The following TIAM2 variants were observed in gnomAD, a reference collection of about 807,000 sequenced individuals.
TIAM2 encodes TIAM Rac1 associated GEF 2.
TIAM2 carries 80 observed loss-of-function variants against 152.9 expected under a neutral mutation model. The ratio of observed to expected loss-of-function variants is 0.52; its 90% confidence interval spans 0.44 to 0.63. The LOEUF is 0.63. TIAM2 is among the 30% of genes least tolerant of loss of function. TIAM2 has a pLI of 0.00. For missense variants in TIAM2, 1,965 were observed against 2,120.1 expected, an observed-to-expected ratio of 0.93 and a Z score of 1.44; for synonymous variants, 804 against 838.0, an observed-to-expected ratio of 0.96 and a Z score of 0.70.
chr6:155,028,225 T>A (rs1458954559), intron 1 of TIAM2, among the ~76,000 whole-genome samples: 3 of 130,386 alleles, frequency 2.3e-5, no homozygotes, highest in Non-Finnish European at 4.9e-5. Flanking sequence ...GTGTTACATA[T>A]ATACTACATA....
chr6:155,206,022 CT>C (rs1391277602), intron 14 of TIAM2, among the ~76,000 whole-genome samples: 4 of 152,048 alleles, frequency 2.6e-5, no homozygotes. Context: ...ATGTTTTGCC[CT>C]TTCGTTGTAA....
intron 16 of TIAM2, among the ~76,000 whole-genome samples, chr6:155,242,080 G>A (rs898320425): frequency 1.3e-5 from 2 of 152,176 alleles, no homozygotes; most frequent in Non-Finnish European, 1.5e-5. Context: ...AGTAGACAAG[G>A]ACCGACTCTC....
intron 1 of TIAM2, among the ~76,000 whole-genome samples, chr6:155,069,776 TTAAG>T (rs1287175143): frequency 6.6e-6 from 1 of 152,174 alleles, no homozygotes; most frequent in African/African-American, 2.4e-5. Flanking sequence ...TTCCTACTCT[TTAAG>T]TAAAGAAAAT....
chr6:155,047,687 AG>A (rs747590082), intron 1 of TIAM2, among the ~76,000 whole-genome samples: 71,787 of 104,056 alleles, frequency 0.69, 23,916 homozygotes, highest in Non-Finnish European at 0.74. Context: ...AGAGAGAGAG[AG>A]GAGAGAGAGA....
At chr6:155,022,310 T>G (rs1329331694) in intron 1 of TIAM2, 1 of 152,266 alleles carries the variant, frequency 6.6e-6, no homozygotes, top group African/African-American at 2.4e-5. Context: ...TGTGCCTGAC[T>G]GTTTTTTCTT....
At chr6:155,153,250 A>T (rs1172191246) in intron 7 of TIAM2, among the ~76,000 whole-genome samples, 1 of 151,938 alleles carries the variant, frequency 6.6e-6, no homozygotes, top group Non-Finnish European at 1.5e-5. Flanking sequence ...CCCCTGCCGT[A>T]CATGCACTCC....
chr6:155,215,480 T>C (rs775596959), intron 15 of TIAM2, among the ~76,000 whole-genome samples: 1 of 152,246 alleles, frequency 6.6e-6, no homozygotes, highest in Non-Finnish European at 1.5e-5. Context: ...AACGTAGTTA[T>C]CACCTTACCT....
At chr6:155,157,093 T>A (rs1015833827) in intron 7 of TIAM2, among the ~76,000 whole-genome samples, 7 of 152,208 alleles carry the variant, frequency 4.6e-5, no homozygotes, top group Non-Finnish European at 4.4e-5. Flanking sequence ...GTCTGTTTTT[T>A]TATCTCTGAA....
intron 1 of TIAM2, among the ~76,000 whole-genome samples, chr6:155,006,745 G>A (rs1332706773): frequency 2.0e-5 from 3 of 150,398 alleles, no homozygotes; most frequent in Non-Finnish European, 4.4e-5. Context: ...CTGGAGTGCA[G>A]TGGCGTGATC....
chr6:155,054,321 T>A lies in TIAM2; in HGVS notation c.-208-35968T>A, dbSNP rs140591286. ...CTTACAGGTGACAGCCATGCTCTGG[T>A]TGGTGGGGAATTCAGTAGGATGATG... On this transcript the variant is annotated intron_variant, in intron 1 of 26. Transcript: ENST00000682666. Among the ~76,000 whole-genome samples, 50 of 152,190 alleles carry A rather than the reference T, an allele frequency of 3.3e-4. No homozygotes were observed. The East Asian group carries it at 8.5e-3, about 26-fold the overall frequency.
chr6:155,079,800 C>G (rs139118245), intron 1 of TIAM2, among the ~76,000 whole-genome samples: 20 of 152,104 alleles, frequency 1.3e-4, no homozygotes, highest in African/African-American at 4.8e-4. Flanking sequence ...TACAAAAAAT[C>G]AGCTGGGCGT....
Position 155,072,591 on chromosome 6 carries a change from G to C in TIAM2, c.-208-17698G>C, listed in dbSNP as rs544946178. Among the ~76,000 whole-genome samples the C allele has an allele frequency of 2.0e-5, 3 of 152,282 alleles. No individual in the cohort carries two copies. In the East Asian group the frequency reaches 5.8e-4, roughly 29 times the overall value. On this transcript the variant is annotated intron_variant, in intron 1 of 26. Coordinates refer to ENST00000682666, the MANE Select transcript of TIAM2 (RefSeq NM_012454.4). ...AAGGGGTTAGGGTAGGGTTGAAAAAGAATAACGAGTTTGGGTCATGTTGAT... is the reference window on the plus strand; with the variant it reads ...AAGGGGTTAGGGTAGGGTTGAAAAACAATAACGAGTTTGGGTCATGTTGAT...
At chr6:155,025,417 G>T (rs569558838) in intron 1 of TIAM2, among the ~76,000 whole-genome samples, 1 of 151,944 alleles carries the variant, frequency 6.6e-6, no homozygotes, top group Non-Finnish European at 1.5e-5. Flanking sequence ...TCCTGACCTC[G>T]TGATCTGCCC....
intron 15 of TIAM2, among the ~76,000 whole-genome samples, chr6:155,225,011 A>T (rs1327651651): frequency 6.6e-6 from 1 of 152,130 alleles, no homozygotes; most frequent in Non-Finnish European, 1.5e-5. Context: ...GCTGGAGTGA[A>T]ATGGTGCGAT....
chr6:155,145,809 C>T (rs1178528430), intron 6 of TIAM2, among the ~76,000 whole-genome samples: 37 of 152,166 alleles, frequency 2.4e-4, no homozygotes, highest in Non-Finnish European at 2.9e-5. Context: ...CCCTCACTTA[C>T]CCAGTGCTGG....
chr6:155,165,409 G>A lies in TIAM2; in HGVS notation c.2361G>A (p.Gln787=), dbSNP rs1476855752. 3 of 1,609,538 alleles carry A rather than the reference G, an allele frequency of 1.9e-6. No individual in the cohort carries two copies. In the South Asian group the frequency reaches 3.3e-5, roughly 18 times the overall value. Reference sequence around the variant, plus strand: ...AGGAGAAGAGACCTTCTATAACTCAGGTGAGCTTTTCAGCATGGGAACAGC... The same window carrying A: ...AGGAGAAGAGACCTTCTATAACTCAAGTGAGCTTTTCAGCATGGGAACAGC... ...KGKEKRPSIT[Q]VDELLHIYGS... Residue 787 remains glutamine (Q), a splice_region_variant and synonymous_variant, in exon 9 of 27, where the codon CAG becomes CAA. Transcript: ENST00000682666.
chr6:155,000,391 C>T (rs748892027), intron 1 of TIAM2, among the ~76,000 whole-genome samples: 1 of 151,900 alleles, frequency 6.6e-6, no homozygotes, highest in African/African-American at 2.4e-5. Flanking sequence ...AATTAGTGGG[C>T]GTGGTGGCAC....
chr6:155,149,504 T>G (rs546986529), intron 7 of TIAM2, among the ~76,000 whole-genome samples: 3 of 152,356 alleles, frequency 2.0e-5, no homozygotes, highest in Admixed American at 6.5e-5. Context: ...TTAGACATAG[T>G]GTGACTTATT....
intron 14 of TIAM2, among the ~76,000 whole-genome samples, chr6:155,194,512 A>G (rs1256156093): frequency 6.6e-6 from 1 of 152,194 alleles, no homozygotes; most frequent in Non-Finnish European, 1.5e-5. Flanking sequence ...GTGGCACAGC[A>G]TGGCAGGCAG....
Sources: gnomAD v4.1 joint callset for allele counts (sites outside exome capture counted in the v4.1 genomes callset) on GRCh38, gnomAD v4.1.1 for gene constraint, MANE v1.5 for transcripts, NCBI Gene and HGNC (gene_info 2026-07-23, HGNC 2026-07-21) for gene names.